Variants in ADCY9 observed in about 807,000 individuals in gnomAD.
The protein encoded by ADCY9 is adenylate cyclase 9, also known as adenylate cyclase type 9.
A neutral mutation model predicts 101.5 loss-of-function variants in ADCY9; 50 were observed. The ratio of observed to expected loss-of-function variants is 0.49; its 90% CI spans 0.39 to 0.62. The LOEUF (loss-of-function observed/expected upper bound fraction) is 0.62, where lower values mean the gene tolerates loss of function less well. Among genes scored for constraint, ADCY9 ranks in the 20% least tolerant of loss-of-function variants. ADCY9 has a pLI of 0.00. For missense variants in ADCY9, 1,662 were observed against 1,800.4 expected (o/e 0.92, Z 1.39); for synonymous variants, 905 against 769.3 (o/e 1.18, Z -2.92).
chr16:4,090,931 T>C (rs117787884), intron 2 of ADCY9, among the ~76,000 whole-genome samples: 2,113 of 152,080 alleles, frequency 0.014, 32 homozygotes, highest in Non-Finnish European at 0.022. Flanking sequence ...GTGAACAAAG[T>C]AATTATTTCA....
At chr16:4,014,046 C>T (rs535754404) in intron 2 of ADCY9, among the ~76,000 whole-genome samples, 3 of 152,252 alleles carry the variant, frequency 2.0e-5, no homozygotes, top group Non-Finnish European at 2.9e-5. Context: ...AGGTCAGGCG[C>T]GGTAGCTCAC....
At chr16:4,112,180 C>G (rs571916487) in intron 2 of ADCY9, among the ~76,000 whole-genome samples, 7 of 152,358 alleles carry the variant, frequency 4.6e-5, no homozygotes, top group African/African-American at 1.7e-4. Context: ...GCCCCGTCCA[C>G]TGACACCTTC....
In ADCY9 at chr16:4,001,530, G is replaced by A. The variant is rs114831845; in HGVS notation, c.1884+5838C>T. 6.4e-3 allele frequency among the ~76,000 whole-genome samples: 967 copies of A among 152,228 alleles called. 12 individuals carry two copies. Among genetic ancestry groups the A allele is most frequent in the African/African-American group, 0.022 (932 of 41,532 alleles). ...ATCTGCCCGGTTTGTCCACTGTGAA[G>A]TTCCTATTCCTACCCCGCCCCCCAC... is the stretch of plus-strand genomic sequence containing the variant. On this transcript the variant is annotated intron_variant, in intron 3 of 10. Coordinates refer to ENST00000294016, the MANE Select transcript of ADCY9 (RefSeq NM_001116.4).
intron 2 of ADCY9, among the ~76,000 whole-genome samples, chr16:4,102,653 G>T (rs984326254): frequency 1.3e-5 from 2 of 152,068 alleles, no homozygotes; most frequent in Non-Finnish European, 2.9e-5. Context: ...TCGAACTCCC[G>T]ACCTCAGGTG....
chr16:4,060,027 G>C (rs1377777673), intron 2 of ADCY9, among the ~76,000 whole-genome samples: 1 of 152,206 alleles, frequency 6.6e-6, no homozygotes, highest in Admixed American at 6.5e-5. Context: ...ACATCTACCA[G>C]GGTGGGACGA....
Position 4,115,492 on chromosome 16 carries a change from G to C in ADCY9, c.-43-7C>G, listed in dbSNP as rs373648692. ...CGGCCGGGGTCACCAGTACCTGCCA[G>C]CAAAACGGGGAGAGTTAGCGGCGCT... On this transcript the variant is annotated splice_polypyrimidine_tract_variant and splice_region_variant and intron_variant, in intron 1 of 10. Coordinates refer to ENST00000294016, the MANE Select transcript of ADCY9 (RefSeq NM_001116.4). The surrounding 1 kb of genome is among the most constrained non-coding windows in gnomAD (Gnocchi z 6.2). 1 of 1,473,076 alleles carries C rather than the reference G, an allele frequency of 6.8e-7. No homozygotes were observed. Among genetic ancestry groups the C allele is most frequent in the Non-Finnish European group, 9.0e-7 (1 of 1,113,112 alleles). 91.3% of individuals were successfully genotyped at this position (1,473,076 alleles called of 1,614,324 possible).
intron 2 of ADCY9, among the ~76,000 whole-genome samples, chr16:4,049,902 A>AAC (rs2056689724): frequency 2.0e-5 from 3 of 152,090 alleles, no homozygotes; most frequent in African/African-American, 7.2e-5. Flanking sequence ...ATGATGGTGT[A>AAC]CACCTGTAGT....
At chr16:4,062,485 C>T (rs542190107) in intron 2 of ADCY9, among the ~76,000 whole-genome samples, 1 of 152,298 alleles carries the variant, frequency 6.6e-6, no homozygotes, top group South Asian at 2.1e-4. Context: ...CATGTGCTGT[C>T]TGCAAGAGAT....
In ADCY9 at chr16:4,104,142, G is replaced by A. The variant is rs982482199; in HGVS notation, c.1693+9608C>T. The stretch of plus-strand genomic sequence containing the variant: ...TCCTGGGAATATGAATGAGTCTGTC[G>A]CTTCAAGGAAAATAACTGACAGTAT... On this transcript the variant is annotated intron_variant, in intron 2 of 10. Transcript: ENST00000294016. Among the ~76,000 whole-genome samples, 4 of 152,220 alleles carry A rather than the reference G, an allele frequency of 2.6e-5. No individual in the cohort carries two copies. In the East Asian group the frequency reaches 5.8e-4, roughly 22 times the overall value.
At chr16:4,025,555 G>A (rs2056509047) in intron 2 of ADCY9, among the ~76,000 whole-genome samples, 1 of 152,188 alleles carries the variant, frequency 6.6e-6, no homozygotes, top group African/African-American at 2.4e-5. Context: ...GTGCGAGTGT[G>A]TGCAAGGTGG....
At chr16:4,107,550 CAAAAAAAAAAAAAA>C (rs61565312) in intron 2 of ADCY9, among the ~76,000 whole-genome samples, 11 of 72,836 alleles carry the variant, frequency 1.5e-4, no homozygotes, top group African/African-American at 2.0e-4. Context: ...GACTCTGTCT[CAAAAAAAAAAAAAA>C]AAAAAAAAAA....
intron 2 of ADCY9, among the ~76,000 whole-genome samples, chr16:4,083,140 G>A (rs1388285236): frequency 6.6e-6 from 1 of 152,232 alleles, no homozygotes; most frequent in East Asian, 1.9e-4. Flanking sequence ...TGTTACATGA[G>A]ATAGTAAATG....
chr16:4,058,989 A>C (rs1425103787), intron 2 of ADCY9, among the ~76,000 whole-genome samples: 2 of 152,230 alleles, frequency 1.3e-5, no homozygotes, highest in Admixed American at 1.3e-4. Context: ...ACTTATTAAC[A>C]GTGGCTATCT....
At chr16:4,110,103 C>T (rs1219760595) in intron 2 of ADCY9, among the ~76,000 whole-genome samples, 2 of 152,170 alleles carry the variant, frequency 1.3e-5, no homozygotes, top group Admixed American at 6.5e-5. Context: ...TCCCCACTCC[C>T]GAACATACTC....
chr16:4,043,146 G>T (rs1043926025), intron 2 of ADCY9, among the ~76,000 whole-genome samples: 5 of 151,872 alleles, frequency 3.3e-5, no homozygotes, highest in African/African-American at 9.7e-5. Context: ...CAGGAGAATG[G>T]CGTGAACCCG....
chr16:4,079,796 C>T (rs898116011), intron 2 of ADCY9, among the ~76,000 whole-genome samples: 142 of 151,954 alleles, frequency 9.3e-4, no homozygotes, highest in African/African-American at 3.3e-3. Context: ...CGTATATGCA[C>T]TGAAAAAGTC....
At chr16:4,082,740 A>G (rs375900604) in intron 2 of ADCY9, among the ~76,000 whole-genome samples, 142 of 152,106 alleles carry the variant, frequency 9.3e-4, no homozygotes, top group African/African-American at 3.3e-3. Flanking sequence ...ACACCCACGC[A>G]TGGACGCACA....
downstream of ADCY9, among the ~76,000 whole-genome samples, chr16:3,961,448 C>CAA (rs768911940): frequency 7.2e-5 from 9 of 125,350 alleles, no homozygotes; most frequent in South Asian, 2.6e-4. Context: ...ACCCTGTCTC[C>CAA]AAAAAAAAAA....
intron 2 of ADCY9, among the ~76,000 whole-genome samples, chr16:4,089,836 C>T (rs190612722): frequency 1.3e-5 from 2 of 152,206 alleles, no homozygotes; most frequent in African/African-American, 2.4e-5. Flanking sequence ...CAAATCAAGC[C>T]TGGCCACAGG....
Sources: allele counts gnomAD v4.1 joint callset (sites outside exome capture counted in the v4.1 genomes callset), GRCh38; gene constraint gnomAD v4.1.1; non-coding constraint Gnocchi (gnomAD v3.1); transcripts MANE v1.5; gene names NCBI Gene and HGNC (gene_info 2026-07-23, HGNC 2026-07-21).